ZMYM2: variants seen among roughly 807,000 people sequenced by gnomAD.
The protein encoded by ZMYM2 is zinc finger MYM-type containing 2.
In ZMYM2, 56 loss-of-function variants were observed where a neutral mutation model predicts 162.8. That is an observed-to-expected ratio of 0.34 (90% CI 0.28 to 0.43). ZMYM2 has a LOEUF of 0.43. Among genes scored for constraint, ZMYM2 ranks in the 20% least tolerant of loss-of-function variants. The pLI is 1.00. For missense variants in ZMYM2, 1,275 were observed against 1,621.8 expected (o/e 0.79, Z 3.67); for synonymous variants, 510 against 541.6 (o/e 0.94, Z 0.81).
the ZMYM2 span, among the ~76,000 whole-genome samples, chr13:19,891,653 C>T: frequency 6.7e-6 from 1 of 150,366 alleles, no homozygotes; most frequent in East Asian, 1.9e-4. Context: ...TGGCATGTAC[C>T]TGTACTCCTA....
chr13:19,953,667 A>G, the ZMYM2 span, among the ~76,000 whole-genome samples: 1 of 122,914 alleles, frequency 8.1e-6, no homozygotes, highest in Admixed American at 1.0e-4. Context: ...CTGGCGACAG[A>G]GCAAGACTCT....
the ZMYM2 span, among the ~76,000 whole-genome samples, chr13:19,938,982 C>CA: frequency 1.3e-4 from 20 of 149,294 alleles, no homozygotes; most frequent in African/African-American, 4.9e-4. Flanking sequence ...AATTAGATCT[C>CA]AAAAAAGCCA....
chr13:19,971,182 G>A (rs923709167), intron 2 of ZMYM2, among the ~76,000 whole-genome samples: 7 of 148,504 alleles, frequency 4.7e-5, no homozygotes, highest in African/African-American at 1.2e-4. Flanking sequence ...GAAAAGCCAC[G>A]TAAGAAGTGA....
chr13:20,021,745 G>A (rs1952124914), intron 7 of ZMYM2, among the ~76,000 whole-genome samples: 1 of 152,036 alleles, frequency 6.6e-6, no homozygotes, highest in African/African-American at 2.4e-5. Context: ...GTGGTTCTGG[G>A]GTTCTTTCTC....
the ZMYM2 span, among the ~76,000 whole-genome samples, chr13:19,906,286 A>G: frequency 2.1e-4 from 17 of 81,334 alleles, no homozygotes; most frequent in African/African-American, 6.9e-4. Context: ...AAAAAAAAGT[A>G]TATATATATA....
intron 2 of ZMYM2, among the ~76,000 whole-genome samples, chr13:19,975,521 A>G (rs1348938457): frequency 6.6e-6 from 1 of 152,348 alleles, no homozygotes; most frequent in Non-Finnish European, 1.5e-5. Flanking sequence ...TTAAAGCTGT[A>G]TAATATTCCC....
chr13:19,959,621 G>C (rs545104177), intron 1 of ZMYM2, among the ~76,000 whole-genome samples: 1 of 152,290 alleles, frequency 6.6e-6, no homozygotes, highest in East Asian at 1.9e-4. Context: ...ATGACGCTGG[G>C]TGGGCAAATT....
intron 15 of ZMYM2, chr13:20,058,943 A>G (rs963728752): frequency 4.9e-6 from 3 of 606,376 alleles, no homozygotes; most frequent in African/African-American, 3.7e-5. Context: ...GTGAAAAAAT[A>G]CTATCTCGAA....
In ZMYM2 at chr13:20,067,148, A is replaced by G. The variant is rs1206263632; in HGVS notation, c.3302-91A>G. ...GTAAGAATGCATTTTATTTTACTTC[A>G]GAGCTCTTACAAAGAATAACGTCAG... On this transcript the variant is annotated intron_variant, in intron 20 of 24. Coordinates refer to ENST00000610343, the MANE Select transcript of ZMYM2 (RefSeq NM_197968.4). The G allele has an allele frequency of 2.2e-6, 3 of 1,389,802 alleles. No individual in the cohort carries two copies. The African/African-American group carries it at 4.4e-5, about 20-fold the overall frequency. 86.1% of individuals were successfully genotyped at this position (1,389,802 alleles called of 1,614,324 possible). A position where few individuals can be genotyped will look rare whatever the true frequency, so the allele number is the denominator to read the frequency against.
chr13:19,916,194 T>A, the ZMYM2 span, among the ~76,000 whole-genome samples: 11 of 151,848 alleles, frequency 7.2e-5, no homozygotes, highest in East Asian at 2.1e-3. Context: ...AGAATGGCGA[T>A]CATTAAAAAG....
At chr13:19,965,133 TG>T in intron 2 of ZMYM2, 1 of 671,952 alleles carries the variant, frequency 1.5e-6, no homozygotes, top group Non-Finnish European at 2.1e-6. Flanking sequence ...TAAGTAACAT[TG>T]GGATGCACAG....
rs772760995 is a variant in ZMYM2 at position 20,067,428 on chromosome 13, A to G, written c.3453+38A>G. 3.2e-6 allele frequency: 5 copies of G among 1,539,074 alleles called. No homozygotes were observed. The African/African-American group carries it at 6.8e-5, about 21-fold the overall frequency. On this transcript the variant is annotated intron_variant, in intron 21 of 24. Transcript: ENST00000610343. The stretch of plus-strand genomic sequence containing the variant: ...ATGGCTGCTTTCAAGTATAACATTA[A>G]TAAGAAAAGTTGTGGTAGTTCTTGT...
the ZMYM2 span, among the ~76,000 whole-genome samples, chr13:19,932,668 C>T: frequency 6.6e-6 from 1 of 151,770 alleles, no homozygotes; most frequent in South Asian, 2.1e-4. Context: ...GAATAGACAC[C>T]AGAGAGCTTG....
At chr13:19,990,599 A>G (rs920610391) in intron 2 of ZMYM2, among the ~76,000 whole-genome samples, 3 of 152,236 alleles carry the variant, frequency 2.0e-5, no homozygotes, top group African/African-American at 7.2e-5. Context: ...AAAAAAAGTG[A>G]TAAATCACGT....
At chr13:19,940,237 G>A in the ZMYM2 span, among the ~76,000 whole-genome samples, 3 of 152,264 alleles carry the variant, frequency 2.0e-5, no homozygotes, top group East Asian at 3.9e-4. Flanking sequence ...ATGAAATAGA[G>A]TTCTTCCTTA....
intron 6 of ZMYM2, among the ~76,000 whole-genome samples, chr13:20,008,116 A>G (rs1267192385): frequency 6.6e-6 from 1 of 152,022 alleles, no homozygotes; most frequent in Non-Finnish European, 1.5e-5. Context: ...ATTATAACTA[A>G]CTATAATTGT....
chr13:20,066,126 C>A (rs978352206), intron 19 of ZMYM2, among the ~76,000 whole-genome samples: 6 of 152,262 alleles, frequency 3.9e-5, no homozygotes, highest in African/African-American at 1.2e-4. Context: ...TCAGGAATAC[C>A]AGTCAGTTCA....
intron 21 of ZMYM2, among the ~76,000 whole-genome samples, chr13:20,080,547 G>A (rs561816826): frequency 9.2e-5 from 14 of 151,774 alleles, no homozygotes; most frequent in African/African-American, 2.7e-4. Flanking sequence ...GAGTGCAGTG[G>A]TGTGATCTCA....
chr13:19,975,125 G>A (rs182115727), intron 2 of ZMYM2, among the ~76,000 whole-genome samples: 1 of 149,288 alleles, frequency 6.7e-6, no homozygotes, highest in African/African-American at 2.5e-5. Context: ...TCTTTTCATA[G>A]GATATCATTG....
Sources: allele counts gnomAD v4.1 joint callset (sites outside exome capture counted in the v4.1 genomes callset), GRCh38; gene constraint gnomAD v4.1.1; transcripts MANE v1.5; gene names NCBI Gene and HGNC (gene_info 2026-07-23, HGNC 2026-07-21).